SPDYE21: variants seen among roughly 807,000 people sequenced by gnomAD.
SPDYE21 encodes the protein speedy protein E21.
SPDYE21 carries 14 observed loss-of-function variants against 36.2 expected under a neutral mutation model. The observed-to-expected ratio is 0.39, with a 90% CI of 0.26 to 0.61. The LOEUF (loss-of-function observed/expected upper bound fraction) is 0.61. SPDYE21 is among the 20% of genes least tolerant of loss of function. The pLI is 0.55. For synonymous variants in SPDYE21, 58 were observed against 155.1 expected (o/e 0.37, Z 4.65); for missense variants, 233 against 424.6 (o/e 0.55, Z 3.97).
intron 4 of SPDYE21, 100 bp from the exon 5 acceptor site, chr7:67,282,535 T>G: frequency 1.9e-6 from 3 of 1,545,238 alleles, no homozygotes; most frequent in Non-Finnish European, 2.6e-6. Context: ...GCGGCCACAA[T>G]CCTGAGACTT....
In SPDYE21 at chr7:67,285,940, C is replaced by A. The variant is rs978011686; in HGVS notation, c.756-104C>A. 5.0e-6 allele frequency: 8 copies of A among 1,592,038 alleles called. No individual in the cohort carries two copies. The African/African-American group carries it at 6.7e-5, about 13-fold the overall frequency. ...GGCTCTCTGCAGGGTGGGTGCCAGT[C>A]CTGAGCTAGGGACGGTCCCTTACCT... On this transcript the variant is annotated intron_variant, in intron 6 of 8. Transcript: ENST00000424157.
At chr7:67,285,562 G>A (rs2116513721) in intron 6 of SPDYE21, among the ~76,000 whole-genome samples, 1 of 151,466 alleles carries the variant, frequency 6.6e-6, no homozygotes, top group South Asian at 2.1e-4. Flanking sequence ...GCTGATTTTT[G>A]TATTTTTAGT....
rs1802740214 is a variant in SPDYE21, at chr7:67,286,611, C to T, written c.1201C>T (p.Leu401Phe). 6.6e-6 allele frequency among the ~76,000 whole-genome samples: 1 copy of T among 152,014 alleles called. No individual in the cohort carries two copies. Among genetic ancestry groups the T allele is most frequent in the Non-Finnish European group, 1.5e-5 (1 of 67,994 alleles). Reference protein sequence around the residue: ...HWVWARDRAHLS With the variant: ...HWVWARDRAHFS ...GGTGTGGGCACGAGATCGCGCTCAC[C>T]TTTCCTAGAGCTCCAGGGACCGTGG... Residue 401 changes from leucine to phenylalanine, a missense_variant, in exon 8 of 9, where the codon CTT (leucine) becomes TTT (phenylalanine). Physicochemically the swap from Leu to Phe is conservative, Grantham distance 22 (BLOSUM62 0). Coordinates refer to ENST00000424157, the MANE Select transcript of SPDYE21 (RefSeq NM_001382715.2).
chr7:67,279,799 G>C lies in SPDYE21; in HGVS notation c.161-19G>C. On this transcript the variant is annotated intron_variant, in intron 2 of 8. Coordinates refer to ENST00000424157, the MANE Select transcript of SPDYE21 (RefSeq NM_001382715.2). Reference sequence around the variant, plus strand: ...TCAGATGCAGAAGCATTACACAGTGGCCTGGTTTCTTTACTCAGCCCCTGG... The same window carrying C: ...TCAGATGCAGAAGCATTACACAGTGCCCTGGTTTCTTTACTCAGCCCCTGG... The C allele has an allele frequency of 6.3e-7, 1 of 1,594,092 alleles. No homozygotes were observed. The highest frequency in any genetic ancestry group is 8.5e-7 in the Non-Finnish European group (1 of 1,178,800).
At position 67,287,739 on chromosome 7, in the gene SPDYE21, C is replaced by A. The variant is rs545202245; in HGVS notation, c.*267C>A. ...GGAGTCCTTGGAGAAAAGTAAGAAA[C>A]CAGGAGTGTTTCCAGTTCCACCCTT... On this transcript the variant is annotated 3_prime_UTR_variant, in exon 9 of 9. Coordinates refer to ENST00000424157, the MANE Select transcript of SPDYE21 (RefSeq NM_001382715.2). Among the ~76,000 whole-genome samples the A allele has an allele frequency of 4.0e-5, 6 of 150,786 alleles. No homozygotes were observed. Among genetic ancestry groups the A allele is most frequent in the Admixed American group, 6.6e-5 (1 of 15,112 alleles).
Position 67,280,016 on chromosome 7 carries a change from A to G in SPDYE21, c.359A>G (p.Lys120Arg), listed in dbSNP as rs1802604636. 11 of 1,586,300 alleles carry G rather than the reference A, an allele frequency of 6.9e-6. No homozygotes were observed. In the East Asian group the frequency reaches 2.5e-4, roughly 36 times the overall value. The part of the protein sequence containing the change: ...RVSPILPEHH[K>R]DFNSQLAPGV... ...TCACCCATCCTCCCTGAGCACCACA[A>G]GGACTTCAACAGTCAGCTTGGTAGG... The change falls in exon 3 of 9, where the codon AAG (lysine) becomes AGG (arginine). Residue 120 changes from lysine (K) to arginine (R), a missense_variant. Lys to Arg is a conservative substitution (Grantham distance 26, BLOSUM62 2). Coordinates refer to ENST00000424157, the MANE Select transcript of SPDYE21 (RefSeq NM_001382715.2).
chr7:67,277,127 T>C (rs1392481819), intron 1 of SPDYE21, among the ~76,000 whole-genome samples, 65 bp downstream of exon 1: 1 of 152,078 alleles, frequency 6.6e-6, no homozygotes, highest in Non-Finnish European at 1.5e-5. Context: ...AATGGTGCGA[T>C]CTTGGCTCCC....
At chr7:67,282,245 T>C (rs62465057) in intron 4 of SPDYE21, among the ~76,000 whole-genome samples, 6,092 of 152,294 alleles carry the variant, frequency 0.04, 162 homozygotes, top group Middle Eastern at 0.068. Context: ...TCTTACTGAC[T>C]TTTCTAAACC....
Position 67,286,443 on chromosome 7 carries a change from T to G in SPDYE21, c.1149+6T>G. Among the ~76,000 whole-genome samples, 9 of 145,276 alleles carry G rather than the reference T, an allele frequency of 6.2e-5. No homozygotes were observed. The highest frequency in any genetic ancestry group is 1.4e-4 in the Admixed American group (2 of 14,580). On this transcript the variant is annotated splice_donor_region_variant and intron_variant, in intron 7 of 8. Coordinates refer to ENST00000424157, the MANE Select transcript of SPDYE21 (RefSeq NM_001382715.2). ...CCCCGGAGGAGTTGGAGGAGGTGAGTGGGGCCTGGGGAGGTGGAGGAGGTG... is the reference window on the plus strand; with the variant it reads ...CCCCGGAGGAGTTGGAGGAGGTGAGGGGGGCCTGGGGAGGTGGAGGAGGTG...
chr7:67,283,412 G>C, intron 5 of SPDYE21, among the ~76,000 whole-genome samples: 1 of 152,288 alleles, frequency 6.6e-6, no homozygotes, highest in East Asian at 1.9e-4. Context: ...GGGATCACAG[G>C]CTTGAGCAGC....
Position 67,288,830 on chromosome 7 carries a change from A to T in SPDYE21, c.*1358A>T, listed in dbSNP as rs892518929. On this transcript the variant is annotated 3_prime_UTR_variant, in exon 9 of 9. Coordinates refer to ENST00000424157, the MANE Select transcript of SPDYE21 (RefSeq NM_001382715.2). ...ATTTGATATTTCATATATATTTGAA[A>T]TGTGAGAATTCAGATGTAATTTTTT... Among the ~76,000 whole-genome samples the T allele has an allele frequency of 6.6e-6, 1 of 150,524 alleles. No individual in the cohort carries two copies. The highest frequency in any genetic ancestry group is 1.5e-5 in the Non-Finnish European group (1 of 67,684).
At chr7:67,277,123 G>T (rs1330454426) in intron 1 of SPDYE21, among the ~76,000 whole-genome samples, 61 bp downstream of exon 1, 1 of 152,062 alleles carries the variant, frequency 6.6e-6, no homozygotes, top group East Asian at 1.9e-4. Flanking sequence ...GCACAATGGT[G>T]CGATCTTGGC....
intron 3 of SPDYE21, among the ~76,000 whole-genome samples, chr7:67,280,500 G>C (rs1156388323): frequency 6.6e-6 from 1 of 151,382 alleles, no homozygotes; most frequent in Non-Finnish European, 1.5e-5. Flanking sequence ...TCAGTTGTTC[G>C]AGACCAACCA....
chr7:67,287,801 T>G lies in SPDYE21; in HGVS notation c.*329T>G, dbSNP rs930134986. The stretch of plus-strand genomic sequence containing the variant: ...CACCACCCTTTTTATATTGCTGAAT[T>G]CCAACCTCCCTGGGGCGGAACCTGG... On this transcript the variant is annotated 3_prime_UTR_variant, in exon 9 of 9. Coordinates refer to ENST00000424157, the MANE Select transcript of SPDYE21 (RefSeq NM_001382715.2). Among the ~76,000 whole-genome samples the G allele has an allele frequency of 4.0e-4, 61 of 152,096 alleles. No homozygotes were observed. Among genetic ancestry groups the G allele is most frequent in the African/African-American group, 1.2e-3 (51 of 41,398 alleles).
chr7:67,280,725 A>G (rs1377825770), intron 3 of SPDYE21, among the ~76,000 whole-genome samples: 8 of 137,600 alleles, frequency 5.8e-5, no homozygotes, highest in African/African-American at 2.1e-4. Context: ...AAAAAAAAAA[A>G]AAAAGAAGGA....
chr7:67,286,991 C>T (rs1005653076), intron 8 of SPDYE21, among the ~76,000 whole-genome samples: 90 of 152,070 alleles, frequency 5.9e-4, no homozygotes, highest in African/African-American at 1.8e-3. Context: ...TTATGATTGA[C>T]GCACTTGAGT....
intron 5 of SPDYE21, among the ~76,000 whole-genome samples, chr7:67,283,518 C>T (rs1728258958): frequency 6.6e-6 from 1 of 151,944 alleles, no homozygotes; most frequent in African/African-American, 2.4e-5. Flanking sequence ...CCCTGCCTCT[C>T]CTATGGGTCC....
chr7:67,278,952 C>T (rs1802586246), intron 2 of SPDYE21, among the ~76,000 whole-genome samples, 79 bp downstream of exon 2: 1 of 151,820 alleles, frequency 6.6e-6, no homozygotes, highest in African/African-American at 2.4e-5. Flanking sequence ...TGGCTCACGC[C>T]TGTAACCCCA....
Position 67,279,915 on chromosome 7 carries a change from C to G in SPDYE21, c.258C>G (p.Leu86=), listed in dbSNP as rs1161874093. ...CTGAGGAGGAGCCGGAGAAGGAGCT[C>G]GCCCCTGAGCCTGAGGAGACCTGGG... ...DESEEEPEKE[L]APEPEETWVV... Residue 86 remains leucine (L), a synonymous_variant, in exon 3 of 9, where the codon CTC becomes CTG. Transcript: ENST00000424157. The G allele has an allele frequency of 6.3e-7, 1 of 1,590,232 alleles. No homozygotes were observed. Among genetic ancestry groups the G allele is most frequent in the African/African-American group, 1.4e-5 (1 of 72,782 alleles).
Sources: gnomAD v4.1 joint callset for allele counts (sites outside exome capture counted in the v4.1 genomes callset) on GRCh38, gnomAD v4.1.1 for gene constraint, MANE v1.5 for transcripts, NCBI Gene and HGNC (gene_info 2026-07-23, HGNC 2026-07-21) for gene names.